The following GPSM1 variants were observed in gnomAD, a reference collection of about 807,000 sequenced individuals.
GPSM1 encodes G protein signaling modulator 1, also known as G protein-signaling modulator 1.
In GPSM1, 48 loss-of-function variants were observed where a neutral mutation model predicts 70.5. The ratio of observed to expected loss-of-function variants is 0.68; its 90% CI spans 0.54 to 0.87. The LOEUF is 0.87. Ranked by LOEUF, GPSM1 falls within the 40% of genes least tolerant of loss-of-function variation. GPSM1 has a pLI of 0.00. For missense variants in GPSM1, 981 were observed against 972.6 expected, an observed-to-expected ratio of 1.01 and a Z score of -0.11; for synonymous variants, 416 against 430.1, an observed-to-expected ratio of 0.97 and a Z score of 0.41.
intron 12 of GPSM1, among the ~76,000 whole-genome samples, 159 bp from the exon 13 acceptor site, chr9:136,356,183 C>T (rs1210599785): frequency 6.6e-6 from 1 of 152,104 alleles, no homozygotes; most frequent in Non-Finnish European, 1.5e-5. Flanking sequence ...CAGCTGAGAG[C>T]TGCCTAGGCC....
intron 11 of GPSM1, chr9:136,353,154 G>C (rs531195807): frequency 2.0e-6 from 2 of 977,624 alleles, no homozygotes; most frequent in African/African-American, 1.8e-5. Flanking sequence ...CCTGTGATCC[G>C]CGTGAGTCTG....
At chr9:136,352,968 C>T (rs114176299) in intron 11 of GPSM1, 474 of 353,576 alleles carry the variant, frequency 1.3e-3, no homozygotes, top group African/African-American at 9.7e-3. Context: ...TGAGCAGGGG[C>T]GGGCGCTAGG....
intron 5 of GPSM1, 35 bp from the exon 6 acceptor site, chr9:136,337,811 G>A (rs377330804): frequency 3.9e-5 from 59 of 1,522,308 alleles, no homozygotes; most frequent in East Asian, 3.4e-4. Context: ...CCGGGGCTGC[G>A]CCATGACCAC....
Position 136,356,673 on chromosome 9 carries a change from G to A in GPSM1, c.1821+123G>A, listed in dbSNP as rs534088301. The stretch of plus-strand genomic sequence containing the variant: ...CTGCCATCTCCGGTCATGTTTGAGG[G>A]ACTCCTGGGGGACTCAGCCAGTGTC... On this transcript the variant is annotated intron_variant, in intron 13 of 13. Coordinates refer to ENST00000440944, the MANE Select transcript of GPSM1 (RefSeq NM_001145638.3). 7.1e-4 allele frequency: 494 copies of A among 692,672 alleles called. 1 individual carries two copies. In the African/African-American group the frequency reaches 7.2e-3, roughly 10 times the overall value. 42.9% of individuals were successfully genotyped at this position (692,672 alleles called of 1,614,324 possible).
Position 136,341,061 on chromosome 9 carries a change from G to A in GPSM1, c.1207+68G>A. The A allele has an allele frequency of 6.4e-7, 1 of 1,552,582 alleles. No individual in the cohort carries two copies. Among genetic ancestry groups the A allele is most frequent in the Non-Finnish European group, 8.7e-7 (1 of 1,148,222 alleles). On this transcript the variant is annotated intron_variant, in intron 9 of 13. Coordinates refer to ENST00000440944, the MANE Select transcript of GPSM1 (RefSeq NM_001145638.3). This position sits in a 1 kb window ranked among gnomAD's most constrained non-coding sequence, Gnocchi z 6.7. ...CGGACCGCATCAGGAGCTGCGGAGGGGTGGGATCGAGGCCAGGCCAGCATG... is the reference window on the plus strand; with the variant it reads ...CGGACCGCATCAGGAGCTGCGGAGGAGTGGGATCGAGGCCAGGCCAGCATG...
chr9:136,334,380 C>T, intron 1 of GPSM1, 67 bp from the exon 2 acceptor site: 5 of 1,203,928 alleles, frequency 4.2e-6, no homozygotes, highest in Admixed American at 1.9e-5. Flanking sequence ...AGTGAAGCCA[C>T]GGAGGTGCTC....
In GPSM1 at chr9:136,351,248, G is replaced by A. The variant is rs139711012; in HGVS notation, c.1455+1485G>A. 8.1e-4 allele frequency among the ~76,000 whole-genome samples: 124 copies of A among 152,264 alleles called. 3 individuals are homozygous for A. In the East Asian group the frequency reaches 0.022, roughly 27 times the overall value. ...CCAACCATCTGGGCTAGGTCCATCC[G>A]TCCACTGATGGGAGAGGTGTGGAGG... On this transcript the variant is annotated intron_variant, in intron 11 of 13. Coordinates refer to ENST00000440944, the MANE Select transcript of GPSM1 (RefSeq NM_001145638.3).
intron 9 of GPSM1, among the ~76,000 whole-genome samples, chr9:136,344,614 A>G (rs782326480): frequency 6.6e-6 from 1 of 152,158 alleles, no homozygotes; most frequent in Non-Finnish European, 1.5e-5. Context: ...ACACCATCCC[A>G]TGGGGAGTTA....
intron 11 of GPSM1, chr9:136,353,024 C>T: frequency 1.1e-6 from 1 of 898,012 alleles, no homozygotes; most frequent in African/African-American, 1.8e-5. Flanking sequence ...TCAGGCATCC[C>T]AGCATTGAGG....
At chr9:136,348,624 G>A in intron 9 of GPSM1, 73 bp from the exon 10 acceptor site, 1 of 1,183,162 alleles carries the variant, frequency 8.5e-7, no homozygotes, top group African/African-American at 1.5e-5. Flanking sequence ...TGGCCCCCCA[G>A]AGACTCTGGC....
In GPSM1 at chr9:136,341,822, A is replaced by C. The variant is rs1282342939; in HGVS notation, c.1207+829A>C. Reference sequence around the variant, plus strand: ...TTTTCTTATCTTATTTTTAATAATTAAATGTTTTTATAGAGATAGGGCCTC... The same window carrying C: ...TTTTCTTATCTTATTTTTAATAATTCAATGTTTTTATAGAGATAGGGCCTC... On this transcript the variant is annotated intron_variant, in intron 9 of 13. Coordinates refer to ENST00000440944, the MANE Select transcript of GPSM1 (RefSeq NM_001145638.3). The surrounding 1 kb of genome is among the most constrained non-coding windows in gnomAD (Gnocchi z 6.7). 1 of 967,668 alleles carries C rather than the reference A, an allele frequency of 1.0e-6. No homozygotes were observed. The highest frequency in any genetic ancestry group is 1.2e-6 in the Non-Finnish European group (1 of 813,898). 59.9% of individuals were successfully genotyped at this position (967,668 alleles called of 1,614,324 possible).
rs1554772259 is a variant in GPSM1 at position 136,352,207 on chromosome 9, CGTTGCTGTTGGTG to C, written c.1455+2445_1455+2457del. On this transcript the variant is annotated intron_variant, in intron 11 of 13. Coordinates refer to ENST00000440944, the MANE Select transcript of GPSM1 (RefSeq NM_001145638.3). The stretch of plus-strand genomic sequence containing the variant: ...GCTGTTGGTGACACCGATGCTGCGC[CGTTGCTGTTGGTG>C]ACACCGATGCTGCGCCGTTGCTGTT... Among the ~76,000 whole-genome samples the C allele has an allele frequency of 1.2e-3, 79 of 64,076 alleles. 32 individuals are homozygous for C. Among genetic ancestry groups the C allele is most frequent in the Admixed American group, 3.2e-3 (21 of 6,504 alleles). The allele number at this position is 64,076 out of a possible 152,430, so 42.0% of individuals were successfully genotyped here.
At position 136,334,466 on chromosome 9, in the gene GPSM1, G is replaced by T. The variant is rs1832178488; in HGVS notation, c.88G>T (p.Glu30Ter). 6.2e-7 allele frequency: 1 copy of T among 1,612,432 alleles called. No homozygotes were observed. Reference protein sequence around the residue: ...LYSRMEASCLELALEGERLCK... With the variant: ...LYSRMEASCL ...GCACAGGATGGAGGCGTCCTGCCTA[G>T]AGCTGGCGCTGGAGGGCGAGCGTCT... The change falls in exon 2 of 14, where the codon GAG becomes TAG. Residue 30 changes from glutamate to a stop codon, truncating the protein, a stop_gained. Coordinates refer to ENST00000440944, the MANE Select transcript of GPSM1 (RefSeq NM_001145638.3). LOFTEE classifies it high-confidence loss of function.
chr9:136,354,791 G>A, intron 11 of GPSM1: 1 of 983,622 alleles, frequency 1.0e-6, no homozygotes, highest in Non-Finnish European at 1.2e-6. Flanking sequence ...CATTCACACA[G>A]CAGACACCGG....
chr9:136,335,855 C>T, intron 2 of GPSM1, 111 bp from the exon 3 acceptor site: 1 of 1,144,030 alleles, frequency 8.7e-7, no homozygotes, highest in East Asian at 2.5e-5. Context: ...CTCCTGTCCA[C>T]TCCATGCTGG....
chr9:136,358,506 C>G lies in GPSM1; in HGVS notation c.*286C>G, dbSNP rs968934793. ...CCCCGACCTGGTGCTGTCAGACTCC[C>G]GCATCCTCTCCCCCAAGCCCTTCCC... On this transcript the variant is annotated 3_prime_UTR_variant, in exon 14 of 14. Coordinates refer to ENST00000440944, the MANE Select transcript of GPSM1 (RefSeq NM_001145638.3). 2.6e-5 allele frequency: 14 copies of G among 536,898 alleles called. No individual in the cohort carries two copies. Among genetic ancestry groups the G allele is most frequent in the African/African-American group, 2.4e-4 (12 of 49,432 alleles). 33.3% of individuals were successfully genotyped at this position (536,898 alleles called of 1,614,324 possible).
chr9:136,349,506 C>T, intron 10 of GPSM1, 81 bp from the exon 11 acceptor site: 1 of 1,286,322 alleles, frequency 7.8e-7, no homozygotes, highest in Non-Finnish European at 1.1e-6. Context: ...ATGGAGGCGG[C>T]CTGGCCTTCC....
At position 136,343,183 on chromosome 9, in the gene GPSM1, C is replaced by T. The variant is rs1240551280; in HGVS notation, c.1207+2190C>T. Among the ~76,000 whole-genome samples the T allele has an allele frequency of 6.6e-6, 1 of 152,150 alleles. No homozygotes were observed. Among genetic ancestry groups the T allele is most frequent in the African/African-American group, 2.4e-5 (1 of 41,440 alleles). On this transcript the variant is annotated intron_variant, in intron 9 of 13. Coordinates refer to ENST00000440944, the MANE Select transcript of GPSM1 (RefSeq NM_001145638.3). The surrounding 1 kb of genome is among the most constrained non-coding windows in gnomAD (Gnocchi z 6.0). The stretch of plus-strand genomic sequence containing the variant: ...TCTGGGTGTGTGGCCTCTATGAGAC[C>T]CTGACAGCAACCAGCCCCCACCTCC...
intron 9 of GPSM1, among the ~76,000 whole-genome samples, chr9:136,347,297 G>T (rs551078895): frequency 6.6e-6 from 1 of 152,178 alleles, no homozygotes; most frequent in Non-Finnish European, 1.5e-5. Flanking sequence ...TGATGCCAGG[G>T]CTGGTTCTGG....
Sources: gnomAD v4.1 joint callset for allele counts (sites outside exome capture counted in the v4.1 genomes callset) on GRCh38, gnomAD v4.1.1 for gene constraint, Gnocchi (gnomAD v3.1) non-coding constraint, MANE v1.5 for transcripts, NCBI Gene and HGNC (gene_info 2026-07-23, HGNC 2026-07-21) for gene names.